GAB3: variants seen among roughly 807,000 people sequenced by gnomAD.
GAB3 encodes GRB2 associated binding protein 3.
In GAB3, 12 loss-of-function variants were observed where a neutral mutation model predicts 40.4. The ratio of observed to expected loss-of-function variants is 0.30; its 90% CI spans 0.19 to 0.48. GAB3 has a LOEUF of 0.48. GAB3 is among the 20% of genes least tolerant of loss of function. The pLI is 0.99. For missense variants in GAB3, 381 were observed against 461.9 expected (o/e 0.82, Z 1.61); for synonymous variants, 154 against 176.7 (o/e 0.87, Z 1.02).
At chrX:154,686,837 A>G (rs1432751455) in intron 8 of GAB3, among the ~76,000 whole-genome samples, 1 of 111,684 alleles carries the variant, frequency 9.0e-6, no homozygotes, top group Non-Finnish European at 1.9e-5. Context: ...ATCTAATAGG[A>G]CACACATAAG....
At chrX:154,679,310 G>A (rs1557246275) in intron 9 of GAB3, 1 of 325,556 alleles carries the variant, frequency 3.1e-6, no homozygotes, top group Admixed American at 3.3e-5. Context: ...GCCCTGGACT[G>A]GAGATGACCT....
At chrX:154,679,569 G>A (rs1045804876) in intron 9 of GAB3, among the ~76,000 whole-genome samples, 2 of 111,937 alleles carry the variant, frequency 1.8e-5, no homozygotes, top group African/African-American at 3.3e-5. Context: ...CATTCCTTAC[G>A]CTGTACAGTG....
intron 8 of GAB3, among the ~76,000 whole-genome samples, chrX:154,682,865 C>T (rs147699852): frequency 2.3e-3 from 261 of 111,253 alleles, no homozygotes; most frequent in Non-Finnish European, 4.3e-3. Context: ...GTAGTCCCAG[C>T]TACTTCGGAG....
Position 154,682,312 on chromosome X carries a change from T to C in GAB3, c.1531-2064A>G, listed in dbSNP as rs782234744. Among the ~76,000 whole-genome samples, 7 of 112,192 alleles carry C rather than the reference T, an allele frequency of 6.2e-5. No homozygotes were observed. The Admixed American group carries it at 6.6e-4, about 11-fold the overall frequency. The stretch of plus-strand genomic sequence containing the variant: ...TTATCATTCATATAAGCAGATTATT[T>C]TGAGTTATCGCTTCATCTAAGAATA... On this transcript the variant is annotated intron_variant, in intron 8 of 9. Transcript: ENST00000424127.
chrX:154,724,074 C>T (rs1341522781), intron 1 of GAB3, among the ~76,000 whole-genome samples: 1 of 111,741 alleles, frequency 8.9e-6, no homozygotes, highest in African/African-American at 3.3e-5. Context: ...GGGCTGGGTG[C>T]GGTGGCTCAC....
intron 1 of GAB3, among the ~76,000 whole-genome samples, chrX:154,737,430 G>A (rs1301041434): frequency 9.0e-6 from 1 of 111,002 alleles, no homozygotes; most frequent in East Asian, 2.8e-4. Flanking sequence ...TTCTGCCCTA[G>A]GTCCTTTTCC....
intron 1 of GAB3, among the ~76,000 whole-genome samples, chrX:154,733,949 C>T (rs782171379): frequency 6.2e-5 from 7 of 112,231 alleles, no homozygotes; most frequent in Admixed American, 1.9e-4. Context: ...GTTGATCAGT[C>T]TAACATTTTA....
intron 1 of GAB3, among the ~76,000 whole-genome samples, chrX:154,716,562 T>C (rs2148461684): frequency 8.9e-6 from 1 of 112,737 alleles, no homozygotes; most frequent in South Asian, 3.6e-4. Context: ...ACCCACAGTT[T>C]GAAGGGCCAG....
At chrX:154,722,604 A>G (rs1557258893) in intron 1 of GAB3, among the ~76,000 whole-genome samples, 1 of 112,491 alleles carries the variant, frequency 8.9e-6, no homozygotes, top group Non-Finnish European at 1.9e-5. Context: ...TTTTAAAAAG[A>G]AAAGAAAAAG....
At chrX:154,689,997 C>T (rs1290714982) in intron 8 of GAB3, among the ~76,000 whole-genome samples, 6 of 110,041 alleles carry the variant, frequency 5.5e-5, no homozygotes, top group Non-Finnish European at 1.1e-4. Context: ...GGAGGCATCA[C>T]ACTACCTGAC....
chrX:154,750,026 G>A (rs1557262493), intron 1 of GAB3, among the ~76,000 whole-genome samples: 1 of 112,684 alleles, frequency 8.9e-6, no homozygotes, highest in Admixed American at 9.3e-5. Flanking sequence ...AGACATGCGC[G>A]AGTTTGTTCC....
chrX:154,715,397 TGTGTGTGC>T (rs58814017), intron 2 of GAB3, among the ~76,000 whole-genome samples: 4,820 of 108,180 alleles, frequency 0.045, 302 homozygotes, highest in African/African-American at 0.15. Flanking sequence ...ATGAGTTGTG[TGTGTGTGC>T]GTGTGTGCGT....
chrX:154,715,940 G>T, intron 2 of GAB3, 86 bp downstream of exon 2: 1 of 913,544 alleles, frequency 1.1e-6, no homozygotes, highest in Non-Finnish European at 1.5e-6. Flanking sequence ...AAGGAGGCAG[G>T]CTTGGCATCT....
intron 1 of GAB3, among the ~76,000 whole-genome samples, chrX:154,750,623 G>T (rs2071599035): frequency 8.9e-6 from 1 of 112,398 alleles, no homozygotes; most frequent in Non-Finnish European, 1.9e-5. Flanking sequence ...AAAGGGGCAC[G>T]CTTTCGAGAT....
intron 8 of GAB3, among the ~76,000 whole-genome samples, chrX:154,681,622 A>C (rs2070375308): frequency 9.0e-6 from 1 of 111,076 alleles, no homozygotes; most frequent in African/African-American, 3.3e-5. Flanking sequence ...CTTTTGACTA[A>C]GAAATACTTT....
intron 4 of GAB3, among the ~76,000 whole-genome samples, chrX:154,709,642 A>AG (rs1557255098): frequency 3.6e-5 from 4 of 109,732 alleles, no homozygotes; most frequent in African/African-American, 6.6e-5. Context: ...GTCCATTCTC[A>AG]TACTGAGAAT....
rs940710402 is a variant in GAB3, at chrX:154,676,683, T to C, written c.*1495A>G. Reference sequence around the variant, plus strand: ...TGGCATTCACTTACCTGTGGGGTGATTGGAAACCCTGAAATCCTGTAGCAA... The same window carrying C: ...TGGCATTCACTTACCTGTGGGGTGACTGGAAACCCTGAAATCCTGTAGCAA... On this transcript the variant is annotated 3_prime_UTR_variant, in exon 10 of 10. Transcript: ENST00000424127. The C allele has an allele frequency of 4.5e-5, 5 of 112,127 alleles. No homozygotes were observed. Among genetic ancestry groups the C allele is most frequent in the Non-Finnish European group, 7.5e-5 (4 of 53,166 alleles). The allele number at this position is 112,127 out of a possible 1,213,427, so 9.2% of individuals were successfully genotyped here.
chrX:154,715,421 CGTGTGGCAG>C (rs2071031541), intron 2 of GAB3, among the ~76,000 whole-genome samples: 3 of 104,005 alleles, frequency 2.9e-5, no homozygotes, highest in African/African-American at 7.3e-5. Context: ...TGCGTGTGTG[CGTGTGGCAG>C]AGAGAGAGAG....
intron 8 of GAB3, among the ~76,000 whole-genome samples, chrX:154,685,269 A>G (rs1157732258): frequency 9.0e-6 from 1 of 111,178 alleles, no homozygotes; most frequent in Admixed American, 9.6e-5. Flanking sequence ...CTACTTCCAT[A>G]TTTGATTCTA....
Sources: allele counts gnomAD v4.1 joint callset (sites outside exome capture counted in the v4.1 genomes callset), GRCh38; gene constraint gnomAD v4.1.1; transcripts MANE v1.5; gene names NCBI Gene and HGNC (gene_info 2026-07-23, HGNC 2026-07-21).